Variants in FAM81A observed in about 807,000 individuals in gnomAD.
FAM81A encodes protein FAM81A.
A neutral mutation model predicts 46.7 loss-of-function variants in FAM81A; 19 were observed. The observed-to-expected ratio is 0.41, with a 90% confidence interval of 0.28 to 0.60. The LOEUF is 0.60. FAM81A is among the 20% of genes least tolerant of loss of function. FAM81A has a pLI of 0.34. For synonymous variants in FAM81A, 183 were observed against 152.9 expected (o/e 1.20, Z -1.45); for missense variants, 377 against 453.5 (o/e 0.83, Z 1.53).
intron 4 of FAM81A, among the ~76,000 whole-genome samples, chr15:59,506,415 T>A (rs1201505333): frequency 6.6e-6 from 1 of 152,036 alleles, no homozygotes; most frequent in Non-Finnish European, 1.5e-5. Context: ...CTTGAACCCT[T>A]CCCCTTGAAG....
At chr15:59,476,323 A>G (rs1227562357) in intron 3 of FAM81A, among the ~76,000 whole-genome samples, 1 of 152,046 alleles carries the variant, frequency 6.6e-6, no homozygotes, top group Non-Finnish European at 1.5e-5. Flanking sequence ...CCTGGGCTCA[A>G]GTAATCCTCC....
intron 3 of FAM81A, among the ~76,000 whole-genome samples, chr15:59,478,601 T>C (rs1048790130): frequency 1.3e-5 from 2 of 152,316 alleles, no homozygotes; most frequent in East Asian, 1.9e-4. Flanking sequence ...TCTGGTTCTA[T>C]TGAAACAGGT....
intron 2 of FAM81A, among the ~76,000 whole-genome samples, chr15:59,404,887 G>C (rs2081087433): frequency 6.6e-6 from 1 of 152,206 alleles, no homozygotes; most frequent in Admixed American, 6.5e-5. Context: ...AAAGCTAGTA[G>C]GTCTGGGCCC....
chr15:59,460,028 G>A lies in FAM81A; in HGVS notation c.116G>A (p.Cys39Tyr). The change falls in exon 3 of 9, where the codon TGC (cysteine) becomes TAC (tyrosine). Residue 39 changes from cysteine (C) to tyrosine (Y), a missense_variant. By Grantham distance (194) the Cys-to-Tyr change is radical (BLOSUM62 -2). Transcript: ENST00000288228. This position sits in a 1 kb window ranked among gnomAD's most constrained non-coding sequence, Gnocchi z 4.4. ...GAGCAGCTGGAAGACAGGATCCTCTGCCATGAGAAAACCACCGCCGCCCTC... is the reference window on the plus strand; with the variant it reads ...GAGCAGCTGGAAGACAGGATCCTCTACCATGAGAAAACCACCGCCGCCCTC... ...LVEQLEDRIL[C>Y]HEKTTAALVE... 1 of 1,613,862 alleles carries A rather than the reference G, an allele frequency of 6.2e-7. No individual in the cohort carries two copies. Among genetic ancestry groups the A allele is most frequent in the Non-Finnish European group, 8.5e-7 (1 of 1,179,842 alleles).
chr15:59,422,605 T>A (rs2081178915), intron 2 of FAM81A, among the ~76,000 whole-genome samples: 1 of 151,874 alleles, frequency 6.6e-6, no homozygotes, highest in Non-Finnish European at 1.5e-5. Context: ...GCCTCCGAAG[T>A]AGCTGGGACT....
At chr15:59,431,612 GCCTCAACCGCC>G (rs2081220579) in intron 2 of FAM81A, among the ~76,000 whole-genome samples, 2 of 151,446 alleles carry the variant, frequency 1.3e-5, no homozygotes. Flanking sequence ...TGATCCTCTG[GCCTCAACCGCC>G]CCAGTAGCTG....
intron 1 of FAM81A, 143 bp from the exon 2 acceptor site, chr15:59,458,407 G>A (rs11071447): frequency 0.76 from 450,613 of 595,708 alleles, 171,508 homozygotes; most frequent in East Asian, 0.86. Flanking sequence ...TTTATTTCAT[G>A]TATAAGATAC....
At chr15:59,454,484 A>G (rs558703776) in intron 1 of FAM81A, among the ~76,000 whole-genome samples, 54 of 152,192 alleles carry the variant, frequency 3.5e-4, no homozygotes, top group African/African-American at 1.2e-3. Context: ...ATGTATATCT[A>G]CTTCCTTTTT....
At chr15:59,423,774 T>C (rs2081184707) in intron 2 of FAM81A, among the ~76,000 whole-genome samples, 1 of 152,250 alleles carries the variant, frequency 6.6e-6, no homozygotes, top group Admixed American at 6.5e-5. Context: ...AAGAGACTTA[T>C]ATTTAATTAC....
At chr15:59,407,943 T>G in intron 2 of FAM81A, 1 of 179,324 alleles carries the variant, frequency 5.6e-6, no homozygotes, top group Non-Finnish European at 1.2e-5. Flanking sequence ...CAGCCATGTT[T>G]AGAGGATCGC....
At position 59,521,361 on chromosome 15, in the gene FAM81A, C is replaced by T; in HGVS notation, c.1090C>T (p.Pro364Ser). 2 of 1,611,040 alleles carry T rather than the reference C, an allele frequency of 1.2e-6. No individual in the cohort carries two copies. The highest frequency in any genetic ancestry group is 1.7e-6 in the Non-Finnish European group (2 of 1,178,380). Residue 364 changes from proline (P) to serine (S), a missense_variant, in exon 9 of 9, where the codon CCA becomes TCA. By Grantham distance (74) the Pro-to-Ser change is moderately conservative (BLOSUM62 -1). Transcript: ENST00000288228. Reference protein sequence around the residue: ...LQKQIQLMQKPETPM With the variant: ...LQKQIQLMQKSETPM The stretch of plus-strand genomic sequence containing the variant: ...GAAGCAAATCCAGCTGATGCAGAAG[C>T]CAGAGACCCCCATGTGAAGGGAGCT...
chr15:59,428,754 C>T (rs1294263443), intron 2 of FAM81A, among the ~76,000 whole-genome samples: 2 of 151,330 alleles, frequency 1.3e-5, no homozygotes, highest in African/African-American at 2.4e-5. Flanking sequence ...CCTCAACCTC[C>T]CAAGTAGCTG....
At chr15:59,481,870 G>A (rs1295993114) in intron 3 of FAM81A, among the ~76,000 whole-genome samples, 1 of 151,574 alleles carries the variant, frequency 6.6e-6, no homozygotes, top group East Asian at 1.9e-4. Flanking sequence ...AGAAGATGCT[G>A]AAACCTTTTT....
intron 3 of FAM81A, among the ~76,000 whole-genome samples, chr15:59,487,530 A>G (rs1169427261): frequency 6.6e-6 from 1 of 151,994 alleles, no homozygotes; most frequent in African/African-American, 2.4e-5. Flanking sequence ...AGAAAAAAAC[A>G]GAAAAGACCC....
In FAM81A at chr15:59,460,130, G is replaced by A. The variant is rs2141643409; in HGVS notation, c.218G>A (p.Arg73His). 3 of 1,613,986 alleles carry A rather than the reference G, an allele frequency of 1.9e-6. No individual in the cohort carries two copies. The highest frequency in any genetic ancestry group is 2.2e-5 in the East Asian group (1 of 44,888). The change falls in exon 3 of 9, where the codon CGC (arginine) becomes CAC (histidine). Residue 73 changes from arginine to histidine, a missense_variant. Physicochemically the swap from Arg to His is conservative, Grantham distance 29. Transcript: ENST00000288228. This position sits in a 1 kb window ranked among gnomAD's most constrained non-coding sequence, Gnocchi z 4.4. ...ATGCAAAACAAAGGGGGAGGTGACC[G>A]CTTGGCCAGGCTTTTCTTGGAGGAG... is the stretch of plus-strand genomic sequence containing the variant. ...QKMQNKGGGD[R>H]LARLFLEEHI...
chr15:59,438,904 C>T (rs1039653666), intron 1 of FAM81A: 2 of 152,084 alleles, frequency 1.3e-5, no homozygotes, highest in African/African-American at 2.4e-5. Context: ...AGAATGGCTT[C>T]TTAAGATGCA....
chr15:59,417,738 A>G lies in FAM81A; in HGVS notation c.-78+15380A>G, dbSNP rs192249430. On this transcript the variant is annotated intron_variant, in intron 2 of 4. Transcript: ENST00000558348. ...TCCAAAATAAATACATAAATAAATA[A>G]AAATAAAAAGATTTTTTTTGCTTGA... Among the ~76,000 whole-genome samples, 23 of 152,174 alleles carry G rather than the reference A, an allele frequency of 1.5e-4. No individual in the cohort carries two copies. The East Asian group carries it at 3.3e-3, about 22-fold the overall frequency.
intron 2 of FAM81A, among the ~76,000 whole-genome samples, chr15:59,421,709 ATCTATCTG>A (rs1356252909): frequency 4.7e-4 from 47 of 99,426 alleles, no homozygotes; most frequent in African/African-American, 1.3e-3. Flanking sequence ...CCCTTAAACT[ATCTATCTG>A]TCTGTCTGTC....
chr15:59,407,290 CCTTTTT>C, intron 2 of FAM81A: 1 of 105,230 alleles, frequency 9.5e-6, no homozygotes, highest in Non-Finnish European at 2.2e-5. Flanking sequence ...TCTTTTCTTT[CCTTTTT>C]TTTTTTTTTT....
Sources: gnomAD v4.1 joint callset for allele counts (sites outside exome capture counted in the v4.1 genomes callset) on GRCh38, gnomAD v4.1.1 for gene constraint, Gnocchi (gnomAD v3.1) non-coding constraint, MANE v1.5 for transcripts, NCBI Gene and HGNC (gene_info 2026-07-23, HGNC 2026-07-21) for gene names.